TPH1: variants seen among roughly 807,000 people sequenced by gnomAD.
The protein encoded by TPH1 is tryptophan 5-hydroxylase 1.
TPH1 carries 37 observed loss-of-function variants against 49.5 expected under a neutral mutation model. The ratio of observed to expected loss-of-function variants is 0.75; its 90% CI spans 0.58 to 0.98. The LOEUF is 0.98. TPH1 is among the 50% of genes least tolerant of loss of function. The probability of loss-of-function intolerance (pLI) is 0.00; values close to 1 mark genes in which losing one functional copy is unlikely to be tolerated. For synonymous variants in TPH1, 160 were observed against 182.1 expected (o/e 0.88, Z 0.98); for missense variants, 487 against 523.6 (o/e 0.93, Z 0.68).
intron 1 of TPH1, among the ~76,000 whole-genome samples, chr11:18,044,209 G>T (rs1199702857): frequency 6.6e-6 from 1 of 152,162 alleles, no homozygotes; most frequent in African/African-American, 2.4e-5. Context: ...GAATCATGAG[G>T]TCAAGAGAGC....
At chr11:18,021,207 G>A in intron 10 of TPH1, 42 bp from the exon 11 acceptor site, 4 of 1,581,292 alleles carry the variant, frequency 2.5e-6, no homozygotes, top group South Asian at 1.1e-5. Context: ...TTTCTAGGGA[G>A]TGAATGATGA....
In TPH1 at chr11:18,032,599, GC is replaced by G. The variant is rs879826511; in HGVS notation, c.402+674del. ...CTCACTCTGTTGCCCAGGCTGGAGT[GC>G]GGTCGTGTGATCTCGGCTCACTGCA... On this transcript the variant is annotated intron_variant, in intron 4 of 10. Transcript: ENST00000682019. Among the ~76,000 whole-genome samples the G allele has an allele frequency of 2.8e-5, 4 of 140,700 alleles. No individual in the cohort carries two copies. In the Admixed American group the frequency reaches 3.0e-4, roughly 11 times the overall value. The allele number at this position is 140,700 out of a possible 152,430, so 92.3% of individuals were successfully genotyped here. A position where few individuals can be genotyped will look rare whatever the true frequency, so the allele number is the denominator to read the frequency against.
rs1357424256 is a variant in TPH1 at position 18,022,865 on chromosome 11, G to A, written c.1093C>T (p.Leu365Phe). Residue 365 changes from leucine (L) to phenylalanine (F), a missense_variant, in exon 10 of 11, where the codon CTT becomes TTT. Transcript: ENST00000682019. ...DPKITCKQEC[L>F]ITTFQDVYFV... ...TAGACATCTTGAAAAGTTGTGATAA[G>A]ACATTCCTGTTTGCAGGTAATCTTG... 1.2e-6 allele frequency: 2 copies of A among 1,613,448 alleles called. No individual in the cohort carries two copies. Among genetic ancestry groups the A allele is most frequent in the Non-Finnish European group, 8.5e-7 (1 of 1,179,644 alleles).
intron 1 of TPH1, among the ~76,000 whole-genome samples, chr11:18,045,473 C>CA (rs11434755): frequency 0.41 from 60,008 of 148,036 alleles, 12,118 homozygotes; most frequent in Middle Eastern, 0.46. Context: ...ATTAGAATTC[C>CA]ACCCCCCCCT....
intron 1 of TPH1, among the ~76,000 whole-genome samples, chr11:18,044,664 C>T (rs543399969): frequency 2.6e-5 from 4 of 152,056 alleles, no homozygotes; most frequent in East Asian, 3.9e-4. Context: ...CCAGTTAACC[C>T]CAAACCGCTT....
At chr11:18,030,110 A>T (rs917320533) in intron 4 of TPH1, among the ~76,000 whole-genome samples, 5 of 152,238 alleles carry the variant, frequency 3.3e-5, no homozygotes, top group African/African-American at 4.8e-5. Flanking sequence ...ATGAAAAAAA[A>T]TTTTTTTAGA....
chr11:18,020,961 G>A lies in TPH1; in HGVS notation c.*30C>T, dbSNP rs148359055. 2.5e-3 allele frequency: 3,994 copies of A among 1,611,124 alleles called. 13 individuals carry two copies. Among genetic ancestry groups the A allele is most frequent in the Non-Finnish European group, 2.1e-3 (2,473 of 1,177,478 alleles). On this transcript the variant is annotated 3_prime_UTR_variant, in exon 11 of 11. Transcript: ENST00000682019. ...AGATGGCCCAGACCTCCGAATTGAT[G>A]CTCAAATGTTCCTGGATGACTGGCT...
rs57390279 is a variant in TPH1, at chr11:18,018,665, C to CAAAAAAAAAAAAAA, written c.*2312_*2325dup. The CAAAAAAAAAAAAAA allele has an allele frequency of 3.2e-4, 12 of 37,038 alleles. No individual in the cohort carries two copies. Among genetic ancestry groups the CAAAAAAAAAAAAAA allele is most frequent in the African/African-American group, 6.8e-4 (7 of 10,222 alleles). 2.3% of individuals were successfully genotyped at this position (37,038 alleles called of 1,614,324 possible). A position where few individuals can be genotyped will look rare whatever the true frequency, so the allele number is the denominator to read the frequency against. Reference sequence around the variant, plus strand: ...TGGGCGACAGAGCAAGACTCCGTCTCAAAAAAAAAAAAAAAAAAAAAAAAA... The same window carrying CAAAAAAAAAAAAAA: ...TGGGCGACAGAGCAAGACTCCGTCTCAAAAAAAAAAAAAAAAAAAAAAAAAAAAAAAAAAAAAAA... On this transcript the variant is annotated 3_prime_UTR_variant, in exon 11 of 11. Transcript: ENST00000682019.
chr11:18,040,869 A>G lies in TPH1; in HGVS notation c.-26-81T>C, dbSNP rs376055325. ...ATATTTGATAACTAAGGGCTCATTT[A>G]CTTCTAGGAGCTTCAGTTTCTTAAC... is the stretch of plus-strand genomic sequence containing the variant. On this transcript the variant is annotated intron_variant, in intron 1 of 10. Coordinates refer to ENST00000682019, the MANE Select transcript of TPH1 (RefSeq NM_004179.3). The G allele has an allele frequency of 3.0e-6, 4 of 1,322,184 alleles. No homozygotes were observed. The African/African-American group carries it at 4.4e-5, about 14-fold the overall frequency. 81.9% of individuals were successfully genotyped at this position (1,322,184 alleles called of 1,614,324 possible).
chr11:18,037,047 T>G (rs1209073887), intron 2 of TPH1, among the ~76,000 whole-genome samples: 1 of 151,996 alleles, frequency 6.6e-6, no homozygotes, highest in Non-Finnish European at 1.5e-5. Context: ...AGGTGGGAAC[T>G]TAAATGAATC....
In TPH1 at chr11:18,040,735, C is replaced by T; in HGVS notation, c.28G>A (p.Asp10Asn). 6.2e-7 allele frequency: 1 copy of T among 1,612,234 alleles called. No homozygotes were observed. The highest frequency in any genetic ancestry group is 8.5e-7 in the Non-Finnish European group (1 of 1,178,912). The stretch of plus-strand genomic sequence containing the variant: ...GCTCTTCCCCTTTCTAAGGAATGGT[C>T]TTTGTTCTCCTTATTGTCTTCAATC... MIEDNKENK[D>N]HSLERGRASL... Residue 10 changes from aspartate to asparagine, a missense_variant, in exon 2 of 11, where the codon GAC becomes AAC. Coordinates refer to ENST00000682019, the MANE Select transcript of TPH1 (RefSeq NM_004179.3).
chr11:18,045,424 T>C (rs1216459291), intron 1 of TPH1, among the ~76,000 whole-genome samples: 1 of 152,038 alleles, frequency 6.6e-6, no homozygotes, highest in African/African-American at 2.4e-5. Context: ...AGTGATAACA[T>C]ATGTAAACCA....
chr11:18,023,746 G>C (rs1467494338), intron 9 of TPH1, 142 bp downstream of exon 9: 1 of 654,202 alleles, frequency 1.5e-6, no homozygotes. Flanking sequence ...TTGGGAAATA[G>C]AGAAAAATAC....
At chr11:18,042,281 G>C in intron 1 of TPH1, 2 of 433,442 alleles carry the variant, frequency 4.6e-6, no homozygotes, top group Admixed American at 5.3e-5. Context: ...GGTGGCTCTG[G>C]GGCTAAAAAT....
rs1854376782 is a variant in TPH1, at chr11:18,022,726, C to CTA, written c.1160+71_1160+72insTA. 6 of 1,565,256 alleles carry CTA rather than the reference C, an allele frequency of 3.8e-6. No homozygotes were observed. The South Asian group carries it at 6.8e-5, about 18-fold the overall frequency. The stretch of plus-strand genomic sequence containing the variant: ...CTTCAAATTATCTAGCTGCTTACTT[C>CTA]TGTGACTTGTTACCATAATGGGGCT... On this transcript the variant is annotated intron_variant, in intron 10 of 10. Transcript: ENST00000682019.
rs887306550 is a variant in TPH1, at chr11:18,017,717, A to C, written c.*3274T>G. 6.6e-6 allele frequency: 1 copy of C among 152,216 alleles called. No individual in the cohort carries two copies. Among genetic ancestry groups the C allele is most frequent in the African/African-American group, 2.4e-5 (1 of 41,462 alleles). 9.4% of individuals were successfully genotyped at this position (152,216 alleles called of 1,614,324 possible). A position where few individuals can be genotyped will look rare whatever the true frequency, so the allele number is the denominator to read the frequency against. On this transcript the variant is annotated 3_prime_UTR_variant, in exon 11 of 11. Transcript: ENST00000682019. Reference sequence around the variant, plus strand: ...TATGGACTCTATCATATGTTCCTTTAGAGAATTCAGGATTTTTTTCTTTTT... The same window carrying C: ...TATGGACTCTATCATATGTTCCTTTCGAGAATTCAGGATTTTTTTCTTTTT...
chr11:18,018,915 C>T lies in TPH1; in HGVS notation c.*2076G>A, dbSNP rs1854326581. 6.6e-6 allele frequency: 1 copy of T among 151,768 alleles called. No homozygotes were observed. Among genetic ancestry groups the T allele is most frequent in the African/African-American group, 2.4e-5 (1 of 41,346 alleles). The allele number at this position is 151,768 out of a possible 1,614,324, so 9.4% of individuals were successfully genotyped here. ...TCTATTTTTTAATTTCCTTTTTCTA[C>T]ATGTTCTAAGATTTGCTTTTTTTAA... On this transcript the variant is annotated 3_prime_UTR_variant, in exon 11 of 11. Coordinates refer to ENST00000682019, the MANE Select transcript of TPH1 (RefSeq NM_004179.3).
At chr11:18,034,737 A>G (rs1003428300) in intron 3 of TPH1, among the ~76,000 whole-genome samples, 14 of 152,252 alleles carry the variant, frequency 9.2e-5, no homozygotes, top group African/African-American at 3.4e-4. Flanking sequence ...AATGTACCTA[A>G]ATTATCTATT....
At chr11:18,024,135 A>C in intron 8 of TPH1, 152 bp from the exon 9 acceptor site, 1 of 689,600 alleles carries the variant, frequency 1.5e-6, no homozygotes, top group Non-Finnish European at 2.6e-6. Flanking sequence ...CTCATTCTAA[A>C]CCAGTACTTC....
Sources: gnomAD v4.1 joint callset for allele counts (sites outside exome capture counted in the v4.1 genomes callset) on GRCh38, gnomAD v4.1.1 for gene constraint, MANE v1.5 for transcripts, NCBI Gene and HGNC (gene_info 2026-07-23, HGNC 2026-07-21) for gene names.